Variants in NOL10 observed in about 807,000 individuals in gnomAD.
NOL10 encodes the protein nucleolar protein 10, also known as H_NH0074G24.1.
NOL10 carries 58 observed loss-of-function variants against 103.5 expected under a neutral mutation model. That is an observed-to-expected ratio of 0.56 (90% CI 0.45 to 0.70). NOL10 has a LOEUF of 0.70. NOL10 is among the 30% of genes least tolerant of loss of function. The probability of loss-of-function intolerance (pLI) is 0.00; values close to 1 mark genes in which losing one functional copy is unlikely to be tolerated. For missense variants in NOL10, 763 were observed against 807.3 expected (o/e 0.95, Z 0.67); for synonymous variants, 287 against 282.5 (o/e 1.02, Z -0.16).
At chr2:10,606,096 G>A (rs1330821164) in intron 14 of NOL10, among the ~76,000 whole-genome samples, 2 of 152,148 alleles carry the variant, frequency 1.3e-5, no homozygotes, top group Non-Finnish European at 2.9e-5. Context: ...TAACCTAGAG[G>A]AGGGCTAGGC....
At position 10,673,553 on chromosome 2, in the gene NOL10, G is replaced by A; in HGVS notation, c.294C>T (p.Val98=). The A allele has an allele frequency of 6.3e-7, 1 of 1,590,594 alleles. No homozygotes were observed. The highest frequency in any genetic ancestry group is 8.6e-7 in the Non-Finnish European group (1 of 1,165,898). ...AGTCATCAGACAAAATTTCAAAGGT[G>A]ACAACTGAAAAACAAGAAATAGGAA... ...KFERCLDSEV[V]TFEILSDDYS... Residue 98 remains valine, a synonymous_variant, in exon 5 of 21, where the codon GTC becomes GTT. Transcript: ENST00000381685.
rs1334428940 is a variant in NOL10 at position 10,579,726 on chromosome 2, GC to G, written c.1845-1989del. Among the ~76,000 whole-genome samples the G allele has an allele frequency of 2.6e-5, 4 of 151,984 alleles. No individual in the cohort carries two copies. In the East Asian group the frequency reaches 7.7e-4, roughly 29 times the overall value. The stretch of plus-strand genomic sequence containing the variant: ...GTTTCAAAGTTAACAGGGCTGCTGT[GC>G]CTATGGAGTAGCCATTCTTTTATTC... On this transcript the variant is annotated intron_variant, in intron 19 of 20. Coordinates refer to ENST00000381685, the MANE Select transcript of NOL10 (RefSeq NM_024894.4).
intron 10 of NOL10, among the ~76,000 whole-genome samples, chr2:10,658,503 C>T (rs1213732913): frequency 6.6e-6 from 1 of 152,094 alleles, no homozygotes; most frequent in East Asian, 1.9e-4. Context: ...AAGTACTCCT[C>T]AGACTAGCAC....
At chr2:10,663,702 C>CTTTGTAA (rs1182446157) in intron 8 of NOL10, among the ~76,000 whole-genome samples, 3 of 152,106 alleles carry the variant, frequency 2.0e-5, no homozygotes, top group African/African-American at 7.2e-5. Flanking sequence ...GTAATCCCAG[C>CTTTGTAA]ACTTTGGGAG....
At chr2:10,602,369 T>C (rs754915341) in intron 16 of NOL10, among the ~76,000 whole-genome samples, 1 of 152,188 alleles carries the variant, frequency 6.6e-6, no homozygotes, top group Non-Finnish European at 1.5e-5. Context: ...AGACAGAGAG[T>C]GCAGTTTACG....
At chr2:10,645,319 G>C (rs1001081028) in intron 12 of NOL10, among the ~76,000 whole-genome samples, 1 of 152,084 alleles carries the variant, frequency 6.6e-6, no homozygotes, top group Non-Finnish European at 1.5e-5. Context: ...AATCCACAGA[G>C]AGAAGACATT....
intron 17 of NOL10, among the ~76,000 whole-genome samples, chr2:10,590,527 G>C (rs1030606831): frequency 6.6e-6 from 1 of 152,178 alleles, no homozygotes; most frequent in African/African-American, 2.4e-5. Flanking sequence ...GATGCAGGAA[G>C]CTGGTGATGT....
intron 8 of NOL10, among the ~76,000 whole-genome samples, chr2:10,664,012 C>T (rs1051877848): frequency 1.3e-5 from 2 of 150,956 alleles, no homozygotes; most frequent in Non-Finnish European, 3.0e-5. Flanking sequence ...ATCCCACACA[C>T]TAGGAGGCTG....
chr2:10,586,651 AG>A (rs1235384033), intron 19 of NOL10, among the ~76,000 whole-genome samples: 2 of 152,112 alleles, frequency 1.3e-5, no homozygotes, highest in Non-Finnish European at 2.9e-5. Flanking sequence ...CTTCCGAGAC[AG>A]GAAGACCAAT....
chr2:10,630,457 A>C (rs973985645), intron 13 of NOL10, among the ~76,000 whole-genome samples: 9 of 152,182 alleles, frequency 5.9e-5, no homozygotes, highest in African/African-American at 2.2e-4. Context: ...TCACACCTAT[A>C]ATCCCAGCAC....
chr2:10,629,159 C>CTT (rs1488426606), intron 13 of NOL10, among the ~76,000 whole-genome samples: 1 of 129,002 alleles, frequency 7.8e-6, no homozygotes, highest in Non-Finnish European at 1.6e-5. Context: ...TCTTGAAGGG[C>CTT]TTTTATTGAA....
chr2:10,589,599 C>T lies in NOL10; in HGVS notation c.1575G>A (p.Glu525=). 2 of 1,581,104 alleles carry T rather than the reference C, an allele frequency of 1.3e-6. No homozygotes were observed. The highest frequency in any genetic ancestry group is 3.9e-5 in the Admixed American group (2 of 51,502). ...EKRKKKLRLL[E]QQELREKEEE... Reference sequence around the variant, plus strand: ...TTACTTTTTCACGAAGTTCTTGTTGCTCTAAGAGTCTTAGTTTCTTCTTCC... The same window carrying T: ...TTACTTTTTCACGAAGTTCTTGTTGTTCTAAGAGTCTTAGTTTCTTCTTCC... The change falls in exon 18 of 21, where the codon GAG becomes GAA. Residue 525 remains glutamate, a synonymous_variant. Coordinates refer to ENST00000381685, the MANE Select transcript of NOL10 (RefSeq NM_024894.4).
chr2:10,667,751 G>C (rs1178216070), intron 7 of NOL10, among the ~76,000 whole-genome samples: 1 of 152,012 alleles, frequency 6.6e-6, no homozygotes, highest in Non-Finnish European at 1.5e-5. Context: ...AAATGAAAAA[G>C]ACTGCAAAGC....
intron 3 of NOL10, among the ~76,000 whole-genome samples, chr2:10,681,267 A>C (rs1158633931): frequency 6.9e-6 from 1 of 145,220 alleles, no homozygotes; most frequent in Non-Finnish European, 1.5e-5. Context: ...CATAGAATGA[A>C]ATATCTTTTG....
intron 11 of NOL10, among the ~76,000 whole-genome samples, 198 bp from the exon 12 acceptor site, chr2:10,654,745 A>G (rs1454240280): frequency 1.3e-5 from 2 of 152,216 alleles, no homozygotes; most frequent in African/African-American, 4.8e-5. Flanking sequence ...TTTATAGATG[A>G]AGAAACAGGC....
intron 6 of NOL10, among the ~76,000 whole-genome samples, chr2:10,671,070 T>C (rs1396392079): frequency 6.6e-6 from 1 of 152,208 alleles, no homozygotes; most frequent in East Asian, 1.9e-4. Flanking sequence ...TTTTTTAAAC[T>C]AGAGTCCATA....
At chr2:10,572,478 T>C (rs1362985825) in intron 20 of NOL10, among the ~76,000 whole-genome samples, 1 of 152,060 alleles carries the variant, frequency 6.6e-6, no homozygotes, top group Non-Finnish European at 1.5e-5. Flanking sequence ...TCCTACAAAG[T>C]AGGAGACTGG....
chr2:10,609,664 C>T (rs1326829021), intron 13 of NOL10, among the ~76,000 whole-genome samples: 1 of 152,096 alleles, frequency 6.6e-6, no homozygotes, highest in Non-Finnish European at 1.5e-5. Context: ...TCACAGGCAT[C>T]TTCTGAAGCC....
At chr2:10,657,330 A>G (rs1679910949) in intron 11 of NOL10, among the ~76,000 whole-genome samples, 1 of 152,144 alleles carries the variant, frequency 6.6e-6, no homozygotes, top group Non-Finnish European at 1.5e-5. Context: ...AAAAAAATCA[A>G]ATAGGAAAAG....
Sources: allele counts gnomAD v4.1 joint callset (sites outside exome capture counted in the v4.1 genomes callset), GRCh38; gene constraint gnomAD v4.1.1; transcripts MANE v1.5; gene names NCBI Gene and HGNC (gene_info 2026-07-23, HGNC 2026-07-21).